The following BABAM2 variants were observed in gnomAD, a reference collection of about 807,000 sequenced individuals.
BABAM2 encodes BRISC and BRCA1 A complex member 2.
In BABAM2, 31 loss-of-function variants were observed where a neutral mutation model predicts 54.7. The observed-to-expected ratio is 0.57, with a 90% confidence interval of 0.43 to 0.77. The LOEUF is 0.77. Ranked by LOEUF, BABAM2 falls within the 30% of genes least tolerant of loss-of-function variation. The pLI is 0.00. For missense variants in BABAM2, 364 were observed against 455.8 expected (o/e 0.80, Z 1.83); for synonymous variants, 167 against 162.9 (o/e 1.03, Z -0.19).
At chr2:28,242,057 A>C (rs1353061504) in intron 9 of BABAM2, among the ~76,000 whole-genome samples, 1 of 152,058 alleles carries the variant, frequency 6.6e-6, no homozygotes, top group Non-Finnish European at 1.5e-5. Context: ...TGAACCAGGC[A>C]GGCATCACCG....
intron 10 of BABAM2, among the ~76,000 whole-genome samples, chr2:28,267,474 G>A (rs1441431176): frequency 6.6e-6 from 1 of 151,534 alleles, no homozygotes; most frequent in African/African-American, 2.4e-5. Flanking sequence ...CACTTTTAAT[G>A]TATTTTGAAA....
intron 3 of BABAM2, among the ~76,000 whole-genome samples, chr2:27,969,889 A>G (rs186873349): frequency 6.6e-6 from 1 of 152,184 alleles, no homozygotes; most frequent in East Asian, 1.9e-4. Flanking sequence ...CAGTAGTCCC[A>G]TGGCTTAGAA....
intron 10 of BABAM2, among the ~76,000 whole-genome samples, chr2:28,293,770 C>T (rs968055835): frequency 3.3e-5 from 5 of 152,140 alleles, no homozygotes; most frequent in African/African-American, 1.2e-4. Flanking sequence ...GTAATACCAA[C>T]ACTTTGGTAG....
intron 4 of BABAM2, among the ~76,000 whole-genome samples, chr2:28,018,833 C>T (rs1226385018): frequency 6.6e-6 from 1 of 152,064 alleles, no homozygotes; most frequent in Non-Finnish European, 1.5e-5. Flanking sequence ...GTCCTTAGTC[C>T]ACTTTTTAAA....
chr2:28,315,161 C>G (rs902513161), intron 11 of BABAM2, among the ~76,000 whole-genome samples: 1 of 151,626 alleles, frequency 6.6e-6, no homozygotes, highest in African/African-American at 2.4e-5. Context: ...ATGCAGGGTA[C>G]AGAGAACATG....
chr2:28,048,775 G>A (rs1157718072), intron 6 of BABAM2, among the ~76,000 whole-genome samples: 1 of 152,164 alleles, frequency 6.6e-6, no homozygotes, highest in Non-Finnish European at 1.5e-5. Context: ...AATGATCAAA[G>A]TGCAAGTATT....
chr2:28,179,770 C>CATT (rs1489320402), intron 7 of BABAM2, among the ~76,000 whole-genome samples: 1 of 152,184 alleles, frequency 6.6e-6, no homozygotes, highest in Non-Finnish European at 1.5e-5. Flanking sequence ...TAAGCAAATT[C>CATT]AGTAACATTG....
At chr2:27,916,095 C>T (rs151049144) in intron 2 of BABAM2, among the ~76,000 whole-genome samples, 1 of 152,262 alleles carries the variant, frequency 6.6e-6, no homozygotes, top group East Asian at 1.9e-4. Flanking sequence ...CTAGTACATT[C>T]CCTTGAGAAT....
intron 11 of BABAM2, among the ~76,000 whole-genome samples, chr2:28,299,927 TTTTTATTTTA>T (rs573164670): frequency 4.6e-5 from 7 of 152,068 alleles, no homozygotes; most frequent in Non-Finnish European, 5.9e-5. Flanking sequence ...GCTTGATAAC[TTTTTATTTTA>T]TTTTATTTTA....
chr2:28,275,651 T>C (rs2148177307), intron 10 of BABAM2, among the ~76,000 whole-genome samples: 1 of 152,344 alleles, frequency 6.6e-6, no homozygotes, highest in South Asian at 2.1e-4. Flanking sequence ...TTAATACATA[T>C]GCATTTATTA....
intron 6 of BABAM2, among the ~76,000 whole-genome samples, chr2:28,061,611 G>T: frequency 7.0e-6 from 1 of 142,724 alleles, no homozygotes; most frequent in Non-Finnish European, 1.5e-5. Context: ...AAAGAGAAAA[G>T]AAAAGAAACT....
At chr2:28,146,909 C>T (rs960545338) in intron 7 of BABAM2, among the ~76,000 whole-genome samples, 6 of 152,262 alleles carry the variant, frequency 3.9e-5, no homozygotes, top group Non-Finnish European at 8.8e-5. Flanking sequence ...AGTACTGAAA[C>T]TAAGGAAGTT....
chr2:28,085,708 A>G (rs753823103), intron 6 of BABAM2, among the ~76,000 whole-genome samples: 1 of 152,182 alleles, frequency 6.6e-6, no homozygotes, highest in Non-Finnish European at 1.5e-5. Flanking sequence ...TGTGCTACCC[A>G]TAAAAACTTT....
chr2:28,176,595 A>AAAAAAAAAAAAC, intron 7 of BABAM2, among the ~76,000 whole-genome samples: 2 of 146,470 alleles, frequency 1.4e-5, no homozygotes, highest in African/African-American at 2.5e-5. Context: ...AAAAAAAAAA[A>AAAAAAAAAAAAC]ACCTCACTGA....
chr2:28,273,362 G>A (rs1685595741), intron 10 of BABAM2, among the ~76,000 whole-genome samples: 1 of 152,152 alleles, frequency 6.6e-6, no homozygotes, highest in African/African-American at 2.4e-5. Flanking sequence ...TCCTCTCCCT[G>A]TTCCACTGTT....
Position 28,176,569 on chromosome 2 carries a change from C to CAAAAAAAAAAAAAAAAAAAAAAA in BABAM2, c.680+47194_680+47216dup. 1.2e-3 allele frequency among the ~76,000 whole-genome samples: 6 copies of CAAAAAAAAAAAAAAAAAAAAAAA among 5,040 alleles called. 3 individuals are homozygous for CAAAAAAAAAAAAAAAAAAAAAAA. Among genetic ancestry groups the CAAAAAAAAAAAAAAAAAAAAAAA allele is most frequent in the East Asian group, 0.013 (2 of 156 alleles). 3.3% of individuals were successfully genotyped at this position (5,040 alleles called of 152,430 possible). On this transcript the variant is annotated intron_variant, in intron 7 of 11. Coordinates refer to ENST00000379624, the MANE Select transcript of BABAM2 (RefSeq NM_199191.3). ...TGGGCAACACAGTGAGACTCTATCT[C>CAAAAAAAAAAAAAAAAAAAAAAA]AAAAAAAAAAAAAAAAAAAAAAAAA...
chr2:28,159,201 A>G (rs1421692111), intron 7 of BABAM2, among the ~76,000 whole-genome samples: 2 of 152,226 alleles, frequency 1.3e-5, no homozygotes, highest in Non-Finnish European at 1.5e-5. Flanking sequence ...CAGACAGTCT[A>G]CTGACACTTT....
At chr2:27,996,792 G>A (rs1479133788) in intron 4 of BABAM2, among the ~76,000 whole-genome samples, 6 of 152,130 alleles carry the variant, frequency 3.9e-5, no homozygotes, top group Admixed American at 6.5e-5. Flanking sequence ...GCAGACATCA[G>A]CTCCTCTCCT....
intron 10 of BABAM2, among the ~76,000 whole-genome samples, chr2:28,282,235 T>C (rs916183948): frequency 6.6e-6 from 1 of 152,090 alleles, no homozygotes; most frequent in African/African-American, 2.4e-5. Context: ...AACAAGGACA[T>C]GGAAACATCA....
Sources: gnomAD v4.1 joint callset for allele counts (sites outside exome capture counted in the v4.1 genomes callset) on GRCh38, gnomAD v4.1.1 for gene constraint, MANE v1.5 for transcripts, NCBI Gene and HGNC (gene_info 2026-07-23, HGNC 2026-07-21) for gene names.